The following UBE2K variants were observed in gnomAD, a reference collection of about 807,000 sequenced individuals.
UBE2K encodes the protein ubiquitin conjugating enzyme E2 K.
Under a neutral mutation model 30.0 loss-of-function variants are expected in UBE2K, and 6 were observed. The ratio of observed to expected loss-of-function variants is 0.20; its 90% CI spans 0.11 to 0.39. The LOEUF (loss-of-function observed/expected upper bound fraction) is 0.39, where lower values mean the gene tolerates loss of function less well. UBE2K is among the 10% of genes least tolerant of loss of function. The pLI is 1.00. For synonymous variants in UBE2K, 86 were observed against 83.7 expected (o/e 1.03, Z -0.15); for missense variants, 61 against 241.6 (o/e 0.25, Z 4.96).
intron 1 of UBE2K, among the ~76,000 whole-genome samples, chr4:39,704,772 A>C (rs2109303970): frequency 6.6e-6 from 1 of 150,740 alleles, no homozygotes; most frequent in African/African-American, 2.4e-5. Context: ...GAACTCCTGG[A>C]CTGAAGTGAT....
At chr4:39,773,709 C>T (rs1375400732) in intron 4 of UBE2K, among the ~76,000 whole-genome samples, 1 of 151,980 alleles carries the variant, frequency 6.6e-6, no homozygotes, top group Non-Finnish European at 1.5e-5. Context: ...ATCACGAGGT[C>T]AGGAGATCGA....
intron 1 of UBE2K, among the ~76,000 whole-genome samples, chr4:39,737,078 G>T (rs1316820091): frequency 6.6e-6 from 1 of 152,156 alleles, no homozygotes; most frequent in Non-Finnish European, 1.5e-5. Flanking sequence ...TTCATCTGTG[G>T]ATGATTAGAT....
chr4:39,749,332 C>A (rs567422615), intron 3 of UBE2K, among the ~76,000 whole-genome samples: 158 of 152,230 alleles, frequency 1.0e-3, no homozygotes, highest in African/African-American at 3.7e-3. Flanking sequence ...GTGAAAAAAT[C>A]ATTAGTAAAA....
At chr4:39,739,254 A>T (rs1720543271) in intron 2 of UBE2K, among the ~76,000 whole-genome samples, 1 of 149,660 alleles carries the variant, frequency 6.7e-6, no homozygotes, top group South Asian at 2.1e-4. Context: ...AATGGTCTCG[A>T]TCTCCTGACC....
rs559239883 is a variant in UBE2K at position 39,741,747 on chromosome 4, G to A, written c.158-4005G>A. 3.3e-5 allele frequency among the ~76,000 whole-genome samples: 5 copies of A among 152,210 alleles called. No homozygotes were observed. In the East Asian group the frequency reaches 9.7e-4, roughly 29 times the overall value. ...GACAAAGGAACAGTTTAGTTCTTGA[G>A]CTTTTCTTCCTAAAATTTCTTTTAG... is the stretch of plus-strand genomic sequence containing the variant. On this transcript the variant is annotated intron_variant, in intron 2 of 6. Coordinates refer to ENST00000261427, the MANE Select transcript of UBE2K (RefSeq NM_005339.5).
intron 1 of UBE2K, among the ~76,000 whole-genome samples, chr4:39,728,318 A>G (rs1249324166): frequency 1.3e-5 from 2 of 152,116 alleles, no homozygotes; most frequent in South Asian, 2.1e-4. Flanking sequence ...TAAATTATAT[A>G]TAGATATTGA....
At chr4:39,769,720 C>A (rs1421308405) in intron 4 of UBE2K, among the ~76,000 whole-genome samples, 2 of 136,810 alleles carry the variant, frequency 1.5e-5, no homozygotes, top group African/African-American at 5.3e-5. Flanking sequence ...TCAGAACCTT[C>A]CCCTGGGCAG....
chr4:39,728,568 CTTCCTTTCTTCT>C (rs1217070410), intron 1 of UBE2K, among the ~76,000 whole-genome samples: 1 of 151,646 alleles, frequency 6.6e-6, no homozygotes, highest in African/African-American at 2.4e-5. Flanking sequence ...ATATCTTTTT[CTTCCTTTCTTCT>C]TTCCTTTCTT....
intron 3 of UBE2K, among the ~76,000 whole-genome samples, chr4:39,751,057 AAT>A (rs1433445258): frequency 1.3e-5 from 2 of 150,354 alleles, no homozygotes; most frequent in Non-Finnish European, 3.0e-5. Context: ...CTGAAGATTA[AAT>A]TCTTTATTGG....
rs546983145 is a variant in UBE2K at position 39,725,425 on chromosome 4, T to G, written c.64-11995T>G. Among the ~76,000 whole-genome samples, 3 of 148,616 alleles carry G rather than the reference T, an allele frequency of 2.0e-5. No individual in the cohort carries two copies. The East Asian group carries it at 5.9e-4, about 29-fold the overall frequency. On this transcript the variant is annotated intron_variant, in intron 1 of 6. Transcript: ENST00000261427. ...AAAAAAACACCTCTTGATAGTAAGG[T>G]TTCAGTATTCTGTTGTAGTCTTTTA...
At chr4:39,750,638 C>T (rs1241356787) in intron 3 of UBE2K, among the ~76,000 whole-genome samples, 1 of 151,958 alleles carries the variant, frequency 6.6e-6, no homozygotes. Flanking sequence ...AAACAGTCTT[C>T]CCACCTTGGC....
intron 1 of UBE2K, among the ~76,000 whole-genome samples, chr4:39,718,245 C>G (rs1332726668): frequency 6.6e-6 from 1 of 152,124 alleles, no homozygotes; most frequent in South Asian, 2.1e-4. Context: ...GAGCTAGACA[C>G]AAAAGTTCTC....
At chr4:39,726,893 G>T (rs1719782560) in intron 1 of UBE2K, among the ~76,000 whole-genome samples, 4 of 152,152 alleles carry the variant, frequency 2.6e-5, no homozygotes, top group Non-Finnish European at 5.9e-5. Context: ...CAATGTACCT[G>T]TCCCCTTCTA....
chr4:39,751,949 C>T lies in UBE2K; in HGVS notation c.217-3708C>T, dbSNP rs1364799766. Among the ~76,000 whole-genome samples, 3 of 152,066 alleles carry T rather than the reference C, an allele frequency of 2.0e-5. No homozygotes were observed. In the East Asian group the frequency reaches 5.8e-4, roughly 29 times the overall value. ...ACCACCGCACTCCAGCCCAGGCAAC[C>T]AAGTGAGACTCTGTCTCAATAAAAG... On this transcript the variant is annotated intron_variant, in intron 3 of 6. Coordinates refer to ENST00000261427, the MANE Select transcript of UBE2K (RefSeq NM_005339.5).
chr4:39,700,374 T>G (rs1717941196), intron 1 of UBE2K, among the ~76,000 whole-genome samples: 1 of 152,180 alleles, frequency 6.6e-6, no homozygotes, highest in Admixed American at 6.5e-5. Flanking sequence ...TTTTGTTGTT[T>G]TTGTTGTTTG....
At chr4:39,775,059 G>A (rs1272929990) in intron 5 of UBE2K, 126 bp downstream of exon 5, 5 of 502,938 alleles carry the variant, frequency 9.9e-6, no homozygotes, top group Non-Finnish European at 1.7e-5. Context: ...TTTCTTTCTT[G>A]TGGTAGGATT....
At chr4:39,775,175 G>A (rs1361999029) in intron 5 of UBE2K, among the ~76,000 whole-genome samples, 1 of 152,162 alleles carries the variant, frequency 6.6e-6, no homozygotes, top group Non-Finnish European at 1.5e-5. Context: ...AAAGTCAAAA[G>A]AATTACATAG....
At position 39,744,935 on chromosome 4, in the gene UBE2K, T is replaced by TA. The variant is rs199608186; in HGVS notation, c.158-814dup. On this transcript the variant is annotated intron_variant, in intron 2 of 6. Transcript: ENST00000261427. The stretch of plus-strand genomic sequence containing the variant: ...AAAAAAAAAAATAAATTAAATAAAA[T>TA]AAATAAATAAATAAATAAATGAAGG... Among the ~76,000 whole-genome samples the TA allele has an allele frequency of 1.4e-4, 21 of 149,606 alleles. No homozygotes were observed. The East Asian group carries it at 2.5e-3, about 18-fold the overall frequency.
At chr4:39,758,147 G>A (rs1044471899) in intron 4 of UBE2K, among the ~76,000 whole-genome samples, 1 of 152,110 alleles carries the variant, frequency 6.6e-6, no homozygotes, top group African/African-American at 2.4e-5. Context: ...TGGCAAATAC[G>A]TCCTTGCATT....
Sources: gnomAD v4.1 joint callset for allele counts (sites outside exome capture counted in the v4.1 genomes callset) on GRCh38, gnomAD v4.1.1 for gene constraint, MANE v1.5 for transcripts, NCBI Gene and HGNC (gene_info 2026-07-23, HGNC 2026-07-21) for gene names.